Variants in ZSCAN10 observed in about 807,000 individuals in gnomAD.
The protein encoded by ZSCAN10 is zinc finger and SCAN domain containing 10.
ZSCAN10 carries 52 observed loss-of-function variants against 63.7 expected under a neutral mutation model. The ratio of observed to expected loss-of-function variants is 0.82; its 90% CI spans 0.65 to 1.03. The LOEUF (loss-of-function observed/expected upper bound fraction) is 1.03, where lower values mean the gene tolerates loss of function less well. ZSCAN10 is among the 50% of genes least tolerant of loss of function. The pLI, the probability that ZSCAN10 is intolerant of heterozygous loss-of-function variation, is 0.00. For missense variants in ZSCAN10, 1,223 were observed against 1,103.8 expected (o/e 1.11, Z -1.53); for synonymous variants, 544 against 479.6 (o/e 1.13, Z -1.76).
Position 3,089,168 on chromosome 16 carries a change from G to A in ZSCAN10, c.2266C>T (p.Gln756Ter). Reference protein sequence around the residue: ...HTGARPYSCTQCGRSFSRNSH... With the variant: ...HTGARPYSCT ...TTGCGGCTGAAGCTGCGGCCACACTGCGTGCAGGAGTAGGGCCTGGCGCCC... is the reference window on the plus strand; with the variant it reads ...TTGCGGCTGAAGCTGCGGCCACACTACGTGCAGGAGTAGGGCCTGGCGCCC... The change falls in exon 6 of 6, where the codon CAG becomes TAG. Residue 756 changes from glutamine (Q) to a stop codon, truncating the protein, a stop_gained. Coordinates refer to ENST00000576985, the MANE Select transcript of ZSCAN10 (RefSeq NM_032805.3). LOFTEE classifies it high-confidence loss of function. 1 of 1,552,554 alleles carries A rather than the reference G, an allele frequency of 6.4e-7. No homozygotes were observed. The highest frequency in any genetic ancestry group is 1.2e-5 in the South Asian group (1 of 82,760).
chr16:3,089,554 C>G lies in ZSCAN10; in HGVS notation c.1880G>C (p.Ser627Thr). The G allele has an allele frequency of 6.3e-7, 1 of 1,596,584 alleles. No homozygotes were observed. Among genetic ancestry groups the G allele is most frequent in the Non-Finnish European group, 8.5e-7 (1 of 1,172,562 alleles). The change falls in exon 6 of 6, where the codon AGC becomes ACC. Residue 627 changes from serine to threonine, a missense_variant. Transcript: ENST00000576985. Reference sequence around the variant, plus strand: ...GCGGCAGGGCTTCTCGCCCGTGTGGCTGCGCTGGTGGCGGGCCAGATCCTG... The same window carrying G: ...GCGGCAGGGCTTCTCGCCCGTGTGGGTGCGCTGGTGGCGGGCCAGATCCTG... ...QTQDLARHQR[S>T]HTGEKPCRCS...
At position 3,091,909 on chromosome 16, in the gene ZSCAN10, C is replaced by G; in HGVS notation, c.665-81G>C. The stretch of plus-strand genomic sequence containing the variant: ...CATATGGCTGCAAGGACACACACCG[C>G]ATCATCCGGGCCCTGTGAAGACACC... On this transcript the variant is annotated intron_variant, in intron 3 of 5. Coordinates refer to ENST00000576985, the MANE Select transcript of ZSCAN10 (RefSeq NM_032805.3). 3 of 1,596,988 alleles carry G rather than the reference C, an allele frequency of 1.9e-6. No individual in the cohort carries two copies. In the South Asian group the frequency reaches 3.4e-5, roughly 18 times the overall value.
rs116944414 is a variant in ZSCAN10 at position 3,096,506 on chromosome 16, G to A, written c.-68+2684C>T. The A allele has an allele frequency of 2.3e-3, 349 of 152,406 alleles. 4 individuals carry two copies. The highest frequency in any genetic ancestry group is 8.5e-3 in the Admixed American group (130 of 15,300). The allele number at this position is 152,406 out of a possible 1,614,324, so 9.4% of individuals were successfully genotyped here. A position where few individuals can be genotyped will look rare whatever the true frequency, so the allele number is the denominator to read the frequency against. ...GCTGGCACACAGTAGGCATCCATGAGCACGAGCTATTACTGTTCTCATTGC... is the reference window on the plus strand; with the variant it reads ...GCTGGCACACAGTAGGCATCCATGAACACGAGCTATTACTGTTCTCATTGC... On this transcript the variant is annotated intron_variant, in intron 1 of 5. Transcript: ENST00000576985.
intron 3 of ZSCAN10, 71 bp from the exon 4 acceptor site, chr16:3,091,899 A>G (rs1957082735): frequency 6.3e-7 from 1 of 1,594,692 alleles, no homozygotes; most frequent in Admixed American, 1.7e-5. Context: ...GGCTGCAAGG[A>G]CACACACCGC....
At position 3,089,266 on chromosome 16, in the gene ZSCAN10, G is replaced by A. The variant is rs750064699; in HGVS notation, c.2168C>T (p.Pro723Leu). 6.4e-7 allele frequency: 1 copy of A among 1,571,448 alleles called. No homozygotes were observed. The highest frequency in any genetic ancestry group is 1.2e-5 in the South Asian group (1 of 86,116). The change falls in exon 6 of 6, where the codon CCG becomes CTG. Residue 723 changes from proline (P) to leucine (L), a missense_variant. Pro to Leu is a moderately conservative substitution (Grantham distance 98). Transcript: ENST00000576985. Reference sequence around the variant, plus strand: ...CTTCCCGCACTCCACGCACTCCTGCGGGGGCTCGGCCTGCTCCTGCCCGGG... The same window carrying A: ...CTTCCCGCACTCCACGCACTCCTGCAGGGGCTCGGCCTGCTCCTGCCCGGG... ...AEPGQEQAEP[P>L]QECVECGKSF...
At chr16:3,096,060 C>G in intron 1 of ZSCAN10, among the ~76,000 whole-genome samples, 1 of 152,176 alleles carries the variant, frequency 6.6e-6, no homozygotes, top group Non-Finnish European at 1.5e-5. Flanking sequence ...CATCCTCCCC[C>G]AACCTCCTCC....
chr16:3,090,000 G>T lies in ZSCAN10; in HGVS notation c.1434C>A (p.Cys478Ter). Residue 478 changes from cysteine to a stop codon, truncating the protein, a stop_gained, in exon 6 of 6, where the codon TGC becomes TGA. Coordinates refer to ENST00000576985, the MANE Select transcript of ZSCAN10 (RefSeq NM_032805.3). LOFTEE classifies it high-confidence loss of function. ...GCTGGAAGCTCTGGCCGCAGTGGGA[G>T]CACAGGACATCGGTCAGTGGCGGCG... ...AEAPPLTDVL[C>*]SHCGQSFQRR... 1 of 1,562,360 alleles carries T rather than the reference G, an allele frequency of 6.4e-7. No individual in the cohort carries two copies. Among genetic ancestry groups the T allele is most frequent in the Non-Finnish European group, 8.6e-7 (1 of 1,157,060 alleles).
At chr16:3,093,591 G>A (rs1957116651) in intron 1 of ZSCAN10, among the ~76,000 whole-genome samples, 2 of 150,928 alleles carry the variant, frequency 1.3e-5, no homozygotes, top group East Asian at 3.9e-4. Context: ...GAAACACCCT[G>A]CCCTTCCCTT....
At position 3,089,173 on chromosome 16, in the gene ZSCAN10, C is replaced by T; in HGVS notation, c.2261G>A (p.Cys754Tyr). 1 of 1,566,146 alleles carries T rather than the reference C, an allele frequency of 6.4e-7. No individual in the cohort carries two copies. Among genetic ancestry groups the T allele is most frequent in the East Asian group, 2.3e-5 (1 of 44,118 alleles). Residue 754 changes from cysteine (C) to tyrosine (Y), a missense_variant, in exon 6 of 6, where the codon TGC (cysteine) becomes TAC (tyrosine). By Grantham distance (194) the Cys-to-Tyr change is radical (BLOSUM62 -2). Transcript: ENST00000576985. ...LVHTGARPYS[C>Y]TQCGRSFSRN... ...GCTGAAGCTGCGGCCACACTGCGTG[C>T]AGGAGTAGGGCCTGGCGCCCGTGTG...
In ZSCAN10 at chr16:3,090,211, A is replaced by G. The variant is rs1957051684; in HGVS notation, c.1223T>C (p.Leu408Pro). ...HTDERPHACH[L>P]CGHRFRQSSH... ...GCTCTGGCGGAAGCGGTGGCCGCAC[A>G]GGTGGCAGGCGTGCGGCCGCTCGTC... Residue 408 changes from leucine to proline, a missense_variant, in exon 6 of 6, where the codon CTG becomes CCG. Transcript: ENST00000576985. 1.2e-6 allele frequency: 2 copies of G among 1,605,502 alleles called. No individual in the cohort carries two copies. The highest frequency in any genetic ancestry group is 8.5e-7 in the Non-Finnish European group (1 of 1,179,116).
chr16:3,098,265 A>C (rs1196021766), intron 1 of ZSCAN10, among the ~76,000 whole-genome samples: 1 of 152,058 alleles, frequency 6.6e-6, no homozygotes, highest in African/African-American at 2.4e-5. Flanking sequence ...CAGCCCACGC[A>C]CGAAACAATC....
In ZSCAN10 at chr16:3,090,653, A is replaced by G; in HGVS notation, c.788-7T>C. 1.3e-6 allele frequency: 2 copies of G among 1,523,550 alleles called. No individual in the cohort carries two copies. Among genetic ancestry groups the G allele is most frequent in the Non-Finnish European group, 1.8e-6 (2 of 1,137,642 alleles). The allele number at this position is 1,523,550 out of a possible 1,614,324, so 94.4% of individuals were successfully genotyped here. A position where few individuals can be genotyped will look rare whatever the true frequency, so the allele number is the denominator to read the frequency against. On this transcript the variant is annotated splice_region_variant and splice_polypyrimidine_tract_variant and intron_variant, in intron 5 of 5. Coordinates refer to ENST00000576985, the MANE Select transcript of ZSCAN10 (RefSeq NM_032805.3). ...GGGGTTCTGCTTCCGAATCCTGGGA[A>G]ACAAGACAAAACAGGGACGGTCAGG...
At chr16:3,095,514 CAA>C (rs35286530) in intron 1 of ZSCAN10, among the ~76,000 whole-genome samples, 2 of 132,388 alleles carry the variant, frequency 1.5e-5, no homozygotes, top group Non-Finnish European at 1.6e-5. Flanking sequence ...GACTCCGTCT[CAA>C]AAAAAAAAAA....
rs745312999 is a variant in ZSCAN10, at chr16:3,089,603, A to C, written c.1831T>G (p.Cys611Gly). 1.3e-6 allele frequency: 2 copies of C among 1,586,504 alleles called. No homozygotes were observed. The highest frequency in any genetic ancestry group is 2.3e-5 in the East Asian group (1 of 43,902). Residue 611 changes from cysteine (C) to glycine (G), a missense_variant, in exon 6 of 6, where the codon TGC becomes GGC. Physicochemically the swap from Cys to Gly is radical, Grantham distance 159 (BLOSUM62 -3). Transcript: ENST00000576985. ...TGGGTCTGGCCGAAACTCTTCCCGC[A>C]CTGGGTGCAGTGGTGGGGCCGAGGG... ...GGPRPHHCTQ[C>G]GKSFGQTQDL... is the part of the protein sequence containing the mutation.
chr16:3,094,432 G>A (rs577453016), intron 1 of ZSCAN10, among the ~76,000 whole-genome samples: 30 of 152,276 alleles, frequency 2.0e-4, no homozygotes, highest in Admixed American at 4.6e-4. Flanking sequence ...CGCAACCTCC[G>A]CCTCGCGGGT....
In ZSCAN10 at chr16:3,091,505, A is replaced by G. The variant is rs1229927286; in HGVS notation, c.787+35T>C. ...AAAAAAGACAAGAAAAGAAAGAGGC[A>G]TCAGTGGTCACTTCTCCAGGGAAGG... On this transcript the variant is annotated intron_variant, in intron 5 of 5. Transcript: ENST00000576985. 3.1e-6 allele frequency: 5 copies of G among 1,609,870 alleles called. No individual in the cohort carries two copies. The African/African-American group carries it at 5.3e-5, about 17-fold the overall frequency.
In ZSCAN10 at chr16:3,089,060, GC is replaced by G; in HGVS notation, c.*30del. The G allele has an allele frequency of 6.8e-7, 1 of 1,461,708 alleles. No homozygotes were observed. 90.5% of individuals were successfully genotyped at this position (1,461,708 alleles called of 1,614,324 possible). On this transcript the variant is annotated 3_prime_UTR_variant, in exon 6 of 6. Coordinates refer to ENST00000576985, the MANE Select transcript of ZSCAN10 (RefSeq NM_032805.3). ...CTGTGGAGGACCCCGGGTAGGTGGC[GC>G]AGGGCGCGGCTGGCGGAAGGCGGGC...
Position 3,092,637 on chromosome 16 carries a change from G to A in ZSCAN10, c.301C>T (p.Leu101=). ...QFLSVLPPHL[L]GRLQGQPLRD... Reference sequence around the variant, plus strand: ...AGCGGCTGCCCCTGCAGGCGGCCCAGGAGGTGCGGAGGCAGCACACTCAGG... The same window carrying A: ...AGCGGCTGCCCCTGCAGGCGGCCCAAGAGGTGCGGAGGCAGCACACTCAGG... Residue 101 remains leucine, a synonymous_variant, in exon 2 of 6, where the codon CTG becomes TTG. Coordinates refer to ENST00000576985, the MANE Select transcript of ZSCAN10 (RefSeq NM_032805.3). 1 of 1,610,916 alleles carries A rather than the reference G, an allele frequency of 6.2e-7. No individual in the cohort carries two copies. The highest frequency in any genetic ancestry group is 8.5e-7 in the Non-Finnish European group (1 of 1,179,066).
intron 1 of ZSCAN10, among the ~76,000 whole-genome samples, chr16:3,093,934 C>G (rs994850550): frequency 3.3e-5 from 5 of 152,236 alleles, no homozygotes; most frequent in South Asian, 4.2e-4. Context: ...GATCAGCCCA[C>G]CTCAGTCTCC....
Sources: allele counts gnomAD v4.1 joint callset (sites outside exome capture counted in the v4.1 genomes callset), GRCh38; gene constraint gnomAD v4.1.1; transcripts MANE v1.5; gene names NCBI Gene and HGNC (gene_info 2026-07-23, HGNC 2026-07-21).